The following PRC1 variants were observed in gnomAD, a reference collection of about 807,000 sequenced individuals.
The protein encoded by PRC1 is anaphase spindle elongation 1 homolog.
Under a neutral mutation model 91.2 loss-of-function variants are expected in PRC1, and 54 were observed. That is an observed-to-expected ratio of 0.59 (90% CI 0.48 to 0.74). The LOEUF (loss-of-function observed/expected upper bound fraction) is 0.74. Among genes scored for constraint, PRC1 ranks in the 30% least tolerant of loss-of-function variants. PRC1 has a pLI of 0.00. For missense variants in PRC1, 727 were observed against 746.2 expected (o/e 0.97, Z 0.30); for synonymous variants, 275 against 263.6 (o/e 1.04, Z -0.42).
intron 6 of PRC1, 112 bp downstream of exon 6, chr15:90,980,772 C>T (rs2039131189): frequency 6.9e-7 from 1 of 1,439,474 alleles, no homozygotes. Flanking sequence ...TCCCAAAGTG[C>T]TGGGATTAGA....
At chr15:90,969,800 A>G (rs1202726358) in intron 12 of PRC1, among the ~76,000 whole-genome samples, 177 bp from the exon 13 acceptor site, 3 of 134,662 alleles carry the variant, frequency 2.2e-5, no homozygotes, top group Non-Finnish European at 4.7e-5. Flanking sequence ...ATATATATAT[A>G]TGGGGCTGGG....
At position 90,966,649 on chromosome 15, in the gene PRC1, C is replaced by T; in HGVS notation, c.*482G>A. ...AAAGACATTCTCTTCAGGAGGAAGG[C>T]TGTCCTGTGTGGTGGGGACAAGGCT... On this transcript the variant is annotated 3_prime_UTR_variant, in exon 15 of 15. Coordinates refer to ENST00000394249, the MANE Select transcript of PRC1 (RefSeq NM_003981.4). The T allele has an allele frequency of 4.4e-6, 2 of 456,276 alleles. No homozygotes were observed. The highest frequency in any genetic ancestry group is 8.8e-6 in the Non-Finnish European group (2 of 226,950). The allele number at this position is 456,276 out of a possible 1,614,324, so 28.3% of individuals were successfully genotyped here.
intron 1 of PRC1, 73 bp downstream of exon 1, chr15:90,994,334 C>A: frequency 6.2e-7 from 1 of 1,610,452 alleles, no homozygotes; most frequent in Non-Finnish European, 8.5e-7. Context: ...GGTCCCGCAC[C>A]CCTGAACAGG....
At chr15:90,969,053 G>A in intron 14 of PRC1, 26 bp downstream of exon 14, 1 of 1,613,962 alleles carries the variant, frequency 6.2e-7, no homozygotes, top group Non-Finnish European at 8.5e-7. Context: ...TTTGGAAAAG[G>A]GACATGCAGG....
intron 8 of PRC1, among the ~76,000 whole-genome samples, chr15:90,978,500 C>G (rs1596306254): frequency 6.6e-6 from 1 of 152,050 alleles, no homozygotes; most frequent in Admixed American, 6.5e-5. Flanking sequence ...GCCTGTGATC[C>G]CAGCACTGTG....
At chr15:90,972,870 A>G (rs1006774714) in intron 11 of PRC1, 2 of 152,244 alleles carry the variant, frequency 1.3e-5, no homozygotes, top group African/African-American at 4.8e-5. Flanking sequence ...GGAAAATGGC[A>G]TTACAGGTTT....
chr15:90,966,487 T>C lies in PRC1; in HGVS notation c.*644A>G. On this transcript the variant is annotated 3_prime_UTR_variant, in exon 15 of 15. Coordinates refer to ENST00000394249, the MANE Select transcript of PRC1 (RefSeq NM_003981.4). ...CGCCGAGAAAGCGTTCCGACAAGCA[T>C]GTGTGTTCATACATGCATACCCCCA... The C allele has an allele frequency of 2.3e-6, 1 of 428,012 alleles. No individual in the cohort carries two copies. 26.5% of individuals were successfully genotyped at this position (428,012 alleles called of 1,614,324 possible). A position where few individuals can be genotyped will look rare whatever the true frequency, so the allele number is the denominator to read the frequency against.
In PRC1 at chr15:90,994,526, G is replaced by A; in HGVS notation, c.-109C>T. The stretch of plus-strand genomic sequence containing the variant: ...CGATGTCACTCCGCGTAGCCGCTCC[G>A]CGAGCCGTTGAGCCCCGCAAAATTT... On this transcript the variant is annotated 5_prime_UTR_variant, in exon 1 of 15. Coordinates refer to ENST00000394249, the MANE Select transcript of PRC1 (RefSeq NM_003981.4). The A allele has an allele frequency of 2.1e-6, 3 of 1,399,766 alleles. No individual in the cohort carries two copies. Among genetic ancestry groups the A allele is most frequent in the Admixed American group, 2.4e-5 (1 of 42,542 alleles). The allele number at this position is 1,399,766 out of a possible 1,614,324, so 86.7% of individuals were successfully genotyped here.
At position 90,980,239 on chromosome 15, in the gene PRC1, A is replaced by C; in HGVS notation, c.970+3T>G. The C allele has an allele frequency of 1.2e-6, 2 of 1,609,330 alleles. No individual in the cohort carries two copies. Among genetic ancestry groups the C allele is most frequent in the Non-Finnish European group, 1.7e-6 (2 of 1,178,648 alleles). The stretch of plus-strand genomic sequence containing the variant: ...AAACCAAAGACCTCACTCTTGTACT[A>C]ACCAGCACAGAAAGGGGCAAAAGCT... On this transcript the variant is annotated splice_donor_region_variant and intron_variant, in intron 7 of 14. Transcript: ENST00000394249.
chr15:90,969,622 G>A lies in PRC1; in HGVS notation c.1574C>T (p.Pro525Leu). ...VSRLPPSGSK[P>L]VAASTCSGKK... ...CCCTGAACAGGTGGAAGCAGCGACT[G>A]GCTGCAGAGAAAGGAAAGAGATCCA... Residue 525 changes from proline (P) to leucine (L), a missense_variant and splice_region_variant, in exon 13 of 15, where the codon CCA becomes CTA. Pro to Leu is a moderately conservative substitution (Grantham distance 98). Coordinates refer to ENST00000394249, the MANE Select transcript of PRC1 (RefSeq NM_003981.4). The A allele has an allele frequency of 1.3e-6, 2 of 1,590,386 alleles. No individual in the cohort carries two copies. Among genetic ancestry groups the A allele is most frequent in the Non-Finnish European group, 1.7e-6 (2 of 1,166,796 alleles).
Position 90,984,801 on chromosome 15 carries a change from T to G in PRC1, c.36A>C (p.Ile12=), listed in dbSNP as rs1298514367. 1 of 1,614,164 alleles carries G rather than the reference T, an allele frequency of 6.2e-7. No individual in the cohort carries two copies. ...GATTTAGGGCTTTCTGCAGACATAC[T>G]ATGGACTCCTCCGCCAGCACCTCAC... ...RRSEVLAEES[I]VCLQKALNHL... is the part of the protein sequence containing the mutation. Residue 12 remains isoleucine (I), a synonymous_variant, in exon 2 of 15, where the codon ATA becomes ATC. Transcript: ENST00000394249. The surrounding 1 kb of genome is among the most constrained non-coding windows in gnomAD (Gnocchi z 5.1).
At chr15:90,967,752 G>A (rs747698208) in intron 14 of PRC1, 6 of 846,472 alleles carry the variant, frequency 7.1e-6, no homozygotes, top group Non-Finnish European at 8.5e-6. Flanking sequence ...GTTCTGTCTA[G>A]GACTGTTAAG....
chr15:90,968,365 C>A (rs2037725304), intron 14 of PRC1: 1 of 985,564 alleles, frequency 1.0e-6, no homozygotes, highest in Non-Finnish European at 1.2e-6. Flanking sequence ...CATTCTCTAT[C>A]CCTGCAGCAA....
At chr15:90,975,208 C>T (rs1297658799) in intron 9 of PRC1, among the ~76,000 whole-genome samples, 5 of 152,122 alleles carry the variant, frequency 3.3e-5, no homozygotes, top group African/African-American at 1.2e-4. Flanking sequence ...CGGGTTCAAG[C>T]GATTCTTGTG....
intron 11 of PRC1, chr15:90,973,916 G>C (rs1032495485): frequency 2.1e-6 from 1 of 484,442 alleles, no homozygotes; most frequent in Non-Finnish European, 3.7e-6. Flanking sequence ...GGGAACTCAA[G>C]AGACCGGTGC....
At chr15:90,983,856 T>C (rs1041066786) in intron 3 of PRC1, 162 bp downstream of exon 3, 3 of 919,640 alleles carry the variant, frequency 3.3e-6, no homozygotes, top group Non-Finnish European at 4.7e-6. Flanking sequence ...AGGTGAGAAT[T>C]ACTCTGCTGG....
chr15:90,968,242 A>G (rs1386747456), intron 14 of PRC1: 3 of 985,456 alleles, frequency 3.0e-6, no homozygotes, highest in Non-Finnish European at 3.6e-6. Flanking sequence ...CCAGAGTGAC[A>G]CACACCCACT....
chr15:90,979,425 G>A lies in PRC1; in HGVS notation c.971-131C>T, dbSNP rs964384561. 3 of 1,063,300 alleles carry A rather than the reference G, an allele frequency of 2.8e-6. No homozygotes were observed. The African/African-American group carries it at 4.8e-5, about 17-fold the overall frequency. The allele number at this position is 1,063,300 out of a possible 1,614,324, so 65.9% of individuals were successfully genotyped here. A position where few individuals can be genotyped will look rare whatever the true frequency, so the allele number is the denominator to read the frequency against. ...TAAACTGATACAGGAAGAGGCGTGTGTGTGTGTGTAATAGATATATAGTGG... is the reference window on the plus strand; with the variant it reads ...TAAACTGATACAGGAAGAGGCGTGTATGTGTGTGTAATAGATATATAGTGG... On this transcript the variant is annotated intron_variant, in intron 7 of 14. Coordinates refer to ENST00000394249, the MANE Select transcript of PRC1 (RefSeq NM_003981.4).
intron 6 of PRC1, 71 bp downstream of exon 6, chr15:90,980,813 C>A: frequency 6.3e-7 from 1 of 1,596,602 alleles, no homozygotes; most frequent in Non-Finnish European, 8.6e-7. Flanking sequence ...GCCAAATCAA[C>A]AACAGTCTTT....
Sources: allele counts gnomAD v4.1 joint callset (sites outside exome capture counted in the v4.1 genomes callset), GRCh38; gene constraint gnomAD v4.1.1; non-coding constraint Gnocchi (gnomAD v3.1); transcripts MANE v1.5; gene names NCBI Gene and HGNC (gene_info 2026-07-23, HGNC 2026-07-21).